Variants in MMD2 observed in about 807,000 individuals in gnomAD.
The protein encoded by MMD2 is monocyte to macrophage differentiation factor 2.
MMD2 carries 30 observed loss-of-function variants against 33.5 expected under a neutral mutation model. The ratio of observed to expected loss-of-function variants is 0.90; its 90% CI spans 0.67 to 1.22. The LOEUF (loss-of-function observed/expected upper bound fraction) is 1.22. MMD2 is among the 50% of genes most tolerant of loss of function. The probability of loss-of-function intolerance (pLI) is 0.00; values close to 1 mark genes in which losing one functional copy is unlikely to be tolerated. For missense variants in MMD2, 364 were observed against 325.4 expected (o/e 1.12, Z -0.91); for synonymous variants, 129 against 123.0 (o/e 1.05, Z -0.32).
chr7:4,903,186 C>T (rs1784817366), downstream of MMD2, among the ~76,000 whole-genome samples: 2 of 152,136 alleles, frequency 1.3e-5, no homozygotes, highest in East Asian at 1.9e-4. Context: ...TGCAGTGAGC[C>T]GAGATTGCGC....
chr7:4,959,033 G>C lies in MMD2; in HGVS notation c.-16C>G. On this transcript the variant is annotated 5_prime_UTR_variant, in exon 1 of 7. Coordinates refer to ENST00000401401, the MANE Select transcript of MMD2 (RefSeq NM_198403.4). ...GGGCGAACATCGCGGCGCTTCCATG[G>C]GAATCTGGCCCCGGGCTCAGAGCGC... 2 of 1,262,902 alleles carry C rather than the reference G, an allele frequency of 1.6e-6. No homozygotes were observed. Among genetic ancestry groups the C allele is most frequent in the Non-Finnish European group, 2.0e-6 (2 of 995,952 alleles). 78.2% of individuals were successfully genotyped at this position (1,262,902 alleles called of 1,614,324 possible).
Position 4,910,129 on chromosome 7 carries a change from G to A in MMD2, c.468-179C>T, listed in dbSNP as rs75914097. 1,001 of 1,424,028 alleles carry A rather than the reference G, an allele frequency of 7.0e-4. 11 individuals are homozygous for A. In the African/African-American group the frequency reaches 0.013, roughly 19 times the overall value. The allele number at this position is 1,424,028 out of a possible 1,614,324, so 88.2% of individuals were successfully genotyped here. A position where few individuals can be genotyped will look rare whatever the true frequency, so the allele number is the denominator to read the frequency against. On this transcript the variant is annotated intron_variant, in intron 5 of 6. Transcript: ENST00000401401. ...CACCCAGCTACATCCAACAGGTGCT[G>A]GCAGTTATGTGACCCTGGGCACTTT... is the stretch of plus-strand genomic sequence containing the variant.
At chr7:4,899,451 T>A in the MMD2 span, among the ~76,000 whole-genome samples, 1 of 151,936 alleles carries the variant, frequency 6.6e-6, no homozygotes, top group Non-Finnish European at 1.5e-5. Context: ...TGCAGTACCA[T>A]GATCTCAGCT....
At chr7:4,926,857 G>C (rs1354546143) in intron 1 of MMD2, among the ~76,000 whole-genome samples, 1 of 151,890 alleles carries the variant, frequency 6.6e-6, no homozygotes, top group Non-Finnish European at 1.5e-5. Context: ...CCATTCTCCT[G>C]CCTCAGCCTC....
the MMD2 span, among the ~76,000 whole-genome samples, chr7:4,897,807 G>A: frequency 2.0e-5 from 3 of 151,042 alleles, no homozygotes; most frequent in African/African-American, 2.4e-5. Context: ...GTGTGATCTC[G>A]GCTCACTGAA....
intron 1 of MMD2, among the ~76,000 whole-genome samples, chr7:4,937,529 G>A (rs373980490): frequency 7.2e-5 from 11 of 152,110 alleles, no homozygotes; most frequent in East Asian, 3.9e-4. Flanking sequence ...AGAAAATAAT[G>A]ACAGGTTCTC....
At chr7:4,947,345 G>T (rs1421793961) in intron 1 of MMD2, among the ~76,000 whole-genome samples, 1 of 152,036 alleles carries the variant, frequency 6.6e-6, no homozygotes, top group African/African-American at 2.4e-5. Context: ...GGGGGAGCAG[G>T]TGTCTTACAT....
downstream of MMD2, among the ~76,000 whole-genome samples, chr7:4,902,400 G>A (rs1032004343): frequency 2.6e-5 from 4 of 152,220 alleles, no homozygotes; most frequent in South Asian, 2.1e-4. Flanking sequence ...GCTTTGCTCC[G>A]CTGGTTAGAA....
chr7:4,915,188 T>G (rs1166543672), intron 4 of MMD2, among the ~76,000 whole-genome samples: 1 of 151,784 alleles, frequency 6.6e-6, no homozygotes, highest in East Asian at 1.9e-4. Flanking sequence ...GGAGGATCAC[T>G]TGAGCCCAGG....
chr7:4,918,686 C>T (rs950852607), intron 3 of MMD2, among the ~76,000 whole-genome samples: 1 of 151,854 alleles, frequency 6.6e-6, no homozygotes, highest in Admixed American at 6.6e-5. Flanking sequence ...CAGGGTTTCA[C>T]CATGTTGGCC....
chr7:4,911,017 A>G (rs1414823036), intron 5 of MMD2, 128 bp downstream of exon 5: 2 of 764,730 alleles, frequency 2.6e-6, no homozygotes, highest in African/African-American at 3.5e-5. Context: ...AGCCTGAATG[A>G]CGTGACAGCC....
In MMD2 at chr7:4,940,383, G is replaced by A. The variant is rs1454955133; in HGVS notation, c.48-14851C>T. Reference sequence around the variant, plus strand: ...GAATGAGCCCGGGCCCCGGAACGCGGCTGCAGCCACCCCTCCCAGGCTGGG... The same window carrying A: ...GAATGAGCCCGGGCCCCGGAACGCGACTGCAGCCACCCCTCCCAGGCTGGG... On this transcript the variant is annotated intron_variant, in intron 1 of 6. Coordinates refer to ENST00000401401, the MANE Select transcript of MMD2 (RefSeq NM_198403.4). This position sits in a 1 kb window ranked among gnomAD's most constrained non-coding sequence, Gnocchi z 5.0. 6.6e-6 allele frequency among the ~76,000 whole-genome samples: 1 copy of A among 152,206 alleles called. No homozygotes were observed. Among genetic ancestry groups the A allele is most frequent in the Non-Finnish European group, 1.5e-5 (1 of 68,034 alleles).
downstream of MMD2, among the ~76,000 whole-genome samples, chr7:4,904,026 G>A (rs958094714): frequency 4.1e-4 from 62 of 152,082 alleles, no homozygotes; most frequent in African/African-American, 1.3e-3. Flanking sequence ...TCGGCCTCCC[G>A]AGTTCAAGCG....
At chr7:4,949,819 A>G (rs1330127594) in intron 1 of MMD2, among the ~76,000 whole-genome samples, 3 of 152,088 alleles carry the variant, frequency 2.0e-5, no homozygotes, top group Admixed American at 6.6e-5. Context: ...CAGTCTTTTT[A>G]TGCCTGAACA....
the MMD2 span, among the ~76,000 whole-genome samples, chr7:4,893,931 T>C: frequency 6.6e-6 from 1 of 152,174 alleles, no homozygotes; most frequent in African/African-American, 2.4e-5. Flanking sequence ...CCTCGCCATC[T>C]TGGTTTTGGT....
At chr7:4,899,524 A>C in the MMD2 span, among the ~76,000 whole-genome samples, 2 of 151,790 alleles carry the variant, frequency 1.3e-5, no homozygotes, top group Non-Finnish European at 2.9e-5. Flanking sequence ...CGTACCTGGG[A>C]TTACAGGCAT....
chr7:4,918,393 G>A (rs1785192471), intron 3 of MMD2, among the ~76,000 whole-genome samples: 1 of 152,108 alleles, frequency 6.6e-6, no homozygotes, highest in African/African-American at 2.4e-5. Flanking sequence ...TTTATGGGGG[G>A]CCTGGATTCC....
downstream of MMD2, among the ~76,000 whole-genome samples, chr7:4,903,187 G>A (rs1040133041): frequency 6.6e-6 from 1 of 152,084 alleles, no homozygotes; most frequent in East Asian, 1.9e-4. Flanking sequence ...GCAGTGAGCC[G>A]AGATTGCGCC....
intron 1 of MMD2, among the ~76,000 whole-genome samples, chr7:4,937,753 C>T (rs1292817266): frequency 6.6e-6 from 1 of 151,900 alleles, no homozygotes; most frequent in Non-Finnish European, 1.5e-5. Flanking sequence ...AGTGATCCCA[C>T]CCTGCCTCAG....
Sources: gnomAD v4.1 joint callset for allele counts (sites outside exome capture counted in the v4.1 genomes callset) on GRCh38, gnomAD v4.1.1 for gene constraint, Gnocchi (gnomAD v3.1) non-coding constraint, MANE v1.5 for transcripts, NCBI Gene and HGNC (gene_info 2026-07-23, HGNC 2026-07-21) for gene names.